R3HDM2: variants seen among roughly 807,000 people sequenced by gnomAD.
R3HDM2 encodes the protein R3H domain-containing protein 2.
R3HDM2 carries 38 observed loss-of-function variants against 124.5 expected under a neutral mutation model. The observed-to-expected ratio is 0.31, with a 90% CI of 0.24 to 0.40. The LOEUF (loss-of-function observed/expected upper bound fraction) is 0.40. Ranked by LOEUF, R3HDM2 falls within the 10% of genes least tolerant of loss-of-function variation. R3HDM2 has a pLI of 1.00. For missense variants in R3HDM2, 869 were observed against 1,236.9 expected (o/e 0.70, Z 4.46); for synonymous variants, 391 against 448.0 (o/e 0.87, Z 1.61).
At chr12:57,431,139 C>T (rs1869828527), upstream of R3HDM2, 1 of 152,336 alleles carries the variant, frequency 6.6e-6, no homozygotes, top group African/African-American at 2.4e-5. Flanking sequence ...GGCCTACCGC[C>T]TGCCGCACGC....
At chr12:57,305,612 G>A (rs2052409827) in intron 3 of R3HDM2, 1 of 398,786 alleles carries the variant, frequency 2.5e-6, no homozygotes. Context: ...GCTAGCTACT[G>A]GAGGATATGG....
chr12:57,335,806 C>T (rs762921500), intron 2 of R3HDM2, among the ~76,000 whole-genome samples: 11 of 151,870 alleles, frequency 7.2e-5, no homozygotes, highest in East Asian at 1.9e-4. Context: ...GGTGGCTCAC[C>T]GTTGCAAACC....
chr12:57,392,070 G>A (rs1447314467), intron 2 of R3HDM2, among the ~76,000 whole-genome samples: 1 of 152,204 alleles, frequency 6.6e-6, no homozygotes, highest in Non-Finnish European at 1.5e-5. Context: ...GGCCAAGGCA[G>A]GAGAATCACT....
chr12:57,369,600 T>C (rs922199318), intron 2 of R3HDM2, among the ~76,000 whole-genome samples: 8 of 152,170 alleles, frequency 5.3e-5, no homozygotes, highest in Non-Finnish European at 1.2e-4. Flanking sequence ...AGACTATAAA[T>C]ACTTAGAATT....
Position 57,388,262 on chromosome 12 carries a change from G to T in R3HDM2, c.-36+7487C>A, listed in dbSNP as rs190442577. Among the ~76,000 whole-genome samples the T allele has an allele frequency of 3.6e-3, 552 of 152,286 alleles. 1 individual carries two copies. Among genetic ancestry groups the T allele is most frequent in the Non-Finnish European group, 6.3e-3 (427 of 68,006 alleles). On this transcript the variant is annotated intron_variant, in intron 2 of 23. Coordinates refer to ENST00000402412, the MANE Select transcript of R3HDM2 (RefSeq NM_001394031.1). ...TTACAGGCGTGAGCCACCACACCTGGCCAAGACACACCAATATTTAAAGGG... is the reference window on the plus strand; with the variant it reads ...TTACAGGCGTGAGCCACCACACCTGTCCAAGACACACCAATATTTAAAGGG...
intron 14 of R3HDM2, among the ~76,000 whole-genome samples, chr12:57,278,466 G>A (rs1219483976): frequency 6.6e-6 from 1 of 151,984 alleles, no homozygotes; most frequent in Non-Finnish European, 1.5e-5. Flanking sequence ...AGAAAAGGGA[G>A]CAAGACTATT....
intron 1 of R3HDM2, among the ~76,000 whole-genome samples, chr12:57,401,683 C>T (rs977606109): frequency 6.6e-6 from 1 of 152,168 alleles, no homozygotes; most frequent in African/African-American, 2.4e-5. Context: ...GACAGTTTCT[C>T]AATACTTAAA....
intron 1 of R3HDM2, among the ~76,000 whole-genome samples, chr12:57,398,886 C>G (rs1324609668): frequency 6.6e-6 from 1 of 152,320 alleles, no homozygotes; most frequent in East Asian, 1.9e-4. Context: ...GGGCCCAAAT[C>G]CAATCTTCTG....
At chr12:57,264,933 A>G (rs1406247266) in intron 19 of R3HDM2, among the ~76,000 whole-genome samples, 1 of 152,170 alleles carries the variant, frequency 6.6e-6, no homozygotes, top group Non-Finnish European at 1.5e-5. Flanking sequence ...CACTGCACAC[A>G]GTCCCCTAAA....
At chr12:57,428,358 G>A (rs969215503) in intron 1 of R3HDM2, among the ~76,000 whole-genome samples, 2 of 152,136 alleles carry the variant, frequency 1.3e-5, no homozygotes, top group Admixed American at 6.6e-5. Context: ...TTGGCTGGGC[G>A]CGGTGGCTCA....
At chr12:57,292,163 A>G (rs1270401921) in intron 11 of R3HDM2, among the ~76,000 whole-genome samples, 2 of 152,218 alleles carry the variant, frequency 1.3e-5, no homozygotes, top group Non-Finnish European at 2.9e-5. Context: ...AGATGAATGT[A>G]CAGCCTGTGT....
intron 7 of R3HDM2, chr12:57,297,887 C>T: frequency 5.3e-6 from 3 of 571,366 alleles, no homozygotes; most frequent in Non-Finnish European, 6.2e-6. Context: ...GAAGTTTTCC[C>T]AATTCTTCTG....
chr12:57,341,734 T>C (rs1434777885), intron 2 of R3HDM2, among the ~76,000 whole-genome samples: 1 of 152,078 alleles, frequency 6.6e-6, no homozygotes, highest in Non-Finnish European at 1.5e-5. Context: ...CGTAAAGATA[T>C]AGGACAGACA....
At chr12:57,407,254 G>GA (rs141913606) in intron 1 of R3HDM2, among the ~76,000 whole-genome samples, 69 of 124,996 alleles carry the variant, frequency 5.5e-4, no homozygotes, top group Non-Finnish European at 6.5e-4. Flanking sequence ...CTTCTCAAGA[G>GA]AAAAAAAAAA....
At chr12:57,283,752 A>G (rs1288265480) in intron 13 of R3HDM2, 72 bp downstream of exon 13, 44 of 1,470,680 alleles carry the variant, frequency 3.0e-5, no homozygotes, top group Non-Finnish European at 3.0e-5. Flanking sequence ...AAAAAAGTAA[A>G]TATCAGTGAT....
At position 57,269,411 on chromosome 12, in the gene R3HDM2, G is replaced by A. The variant is rs1303602980; in HGVS notation, c.1626C>T (p.Asn542=). 1 of 1,614,182 alleles carries A rather than the reference G, an allele frequency of 6.2e-7. No individual in the cohort carries two copies. Among genetic ancestry groups the A allele is most frequent in the East Asian group, 2.2e-5 (1 of 44,878 alleles). The change falls in exon 16 of 24, where the codon AAC becomes AAT. Residue 542 remains asparagine (N), a synonymous_variant. Transcript: ENST00000402412. ...VSYYPPGQYP[N]SNQQYRPLSH... ...AGAGAGGTCGATATTGCTGGTTGGA[G>A]TTAGGATATTGTCCAGGGGGATAGT...
intron 12 of R3HDM2, among the ~76,000 whole-genome samples, chr12:57,285,364 C>G (rs35007557): frequency 6.6e-6 from 1 of 152,020 alleles, no homozygotes; most frequent in South Asian, 2.1e-4. Context: ...AAGCCAATCA[C>G]GATGAGCTAA....
intron 1 of R3HDM2, among the ~76,000 whole-genome samples, chr12:57,418,801 G>A (rs149970351): frequency 1.0e-3 from 154 of 152,210 alleles, no homozygotes; most frequent in African/African-American, 3.3e-3. Context: ...GACTTCAGGT[G>A]ATCTGCCCGC....
chr12:57,363,879 A>G (rs2062262527), intron 2 of R3HDM2, among the ~76,000 whole-genome samples: 1 of 151,482 alleles, frequency 6.6e-6, no homozygotes, highest in Admixed American at 6.6e-5. Flanking sequence ...AAAAAAAAAA[A>G]GGCAAAAGAA....
Sources: gnomAD v4.1 joint callset for allele counts (sites outside exome capture counted in the v4.1 genomes callset) on GRCh38, gnomAD v4.1.1 for gene constraint, MANE v1.5 for transcripts, NCBI Gene and HGNC (gene_info 2026-07-23, HGNC 2026-07-21) for gene names.